Variants in HNF1B observed in about 807,000 individuals in gnomAD.
The protein encoded by HNF1B is hepatocyte nuclear factor 1-beta.
A neutral mutation model predicts 61.7 loss-of-function variants in HNF1B; 8 were observed. That is an observed-to-expected ratio of 0.13 (90% confidence interval 0.08 to 0.23). The LOEUF is 0.23. HNF1B is among the 10% of genes least tolerant of loss of function. HNF1B has a pLI of 1.00. For missense variants in HNF1B, 562 were observed against 714.5 expected, an observed-to-expected ratio of 0.79 and a Z score of 2.43; for synonymous variants, 314 against 287.7, an observed-to-expected ratio of 1.09 and a Z score of -0.93.
intron 6 of HNF1B, among the ~76,000 whole-genome samples, chr17:37,703,900 G>A (rs954158933): frequency 6.6e-6 from 1 of 152,196 alleles, no homozygotes; most frequent in African/African-American, 2.4e-5. Context: ...CTGATTTAGG[G>A]AGAGAAGAGG....
At chr17:37,699,929 C>T (rs2032509412) in intron 7 of HNF1B, among the ~76,000 whole-genome samples, 1 of 152,234 alleles carries the variant, frequency 6.6e-6, no homozygotes, top group African/African-American at 2.4e-5. Flanking sequence ...CCTCTTTCAC[C>T]ATCATTGCCT....
At chr17:37,720,585 G>A (rs2147505275) in intron 4 of HNF1B, 1 of 161,786 alleles carries the variant, frequency 6.2e-6, no homozygotes, top group African/African-American at 2.4e-5. Context: ...TTCTTAAACT[G>A]AATACCAAAT....
At chr17:37,707,597 C>T (rs540111560) in intron 5 of HNF1B, among the ~76,000 whole-genome samples, 1 of 151,916 alleles carries the variant, frequency 6.6e-6, no homozygotes, top group African/African-American at 2.4e-5. Context: ...TATTATTATC[C>T]CTATTTCATA....
At position 37,704,261 on chromosome 17, in the gene HNF1B, G is replaced by A. The variant is rs77335578; in HGVS notation, c.1339+656C>T. ...TGCTGTTGAATATGAGCCTCCTGGA[G>A]CTGGAGGGACCTGATCCATCTCCGT... is the stretch of plus-strand genomic sequence containing the variant. On this transcript the variant is annotated intron_variant, in intron 6 of 8. Coordinates refer to ENST00000617811, the MANE Select transcript of HNF1B (RefSeq NM_000458.4). Among the ~76,000 whole-genome samples the A allele has an allele frequency of 9.8e-3, 1,498 of 152,332 alleles. 12 individuals are homozygous for A. The highest frequency in any genetic ancestry group is 0.014 in the Non-Finnish European group (981 of 68,030).
At chr17:37,705,078 A>G (rs1472859384) in intron 5 of HNF1B, 29 bp from the exon 6 acceptor site, 1 of 1,606,346 alleles carries the variant, frequency 6.2e-7, no homozygotes, top group African/African-American at 1.3e-5. Flanking sequence ...CAAGAGAAAC[A>G]TGGGTGGACT....
At chr17:37,711,656 T>C (rs1411101587) in intron 4 of HNF1B, among the ~76,000 whole-genome samples, 1 of 152,230 alleles carries the variant, frequency 6.6e-6, no homozygotes, top group African/African-American at 2.4e-5. Flanking sequence ...ATGGGGCATC[T>C]CACCCCTAAG....
At chr17:37,732,760 C>T (rs1326723600) in intron 3 of HNF1B, among the ~76,000 whole-genome samples, 1 of 152,178 alleles carries the variant, frequency 6.6e-6, no homozygotes, top group Admixed American at 6.5e-5. Context: ...ATCGCTTAAG[C>T]CCAGTTCAAG....
intron 1 of HNF1B, among the ~76,000 whole-genome samples, chr17:37,742,531 ATTACT>A (rs1157510007): frequency 2.0e-5 from 3 of 152,112 alleles, no homozygotes; most frequent in African/African-American, 7.2e-5. Flanking sequence ...TTCTTGAAAA[ATTACT>A]TTAATCAAGT....
intron 8 of HNF1B, among the ~76,000 whole-genome samples, chr17:37,696,715 G>A (rs2032398258): frequency 6.6e-6 from 1 of 152,208 alleles, no homozygotes; most frequent in Non-Finnish European, 1.5e-5. Context: ...GAACACGCCA[G>A]AAATGAATTT....
intron 8 of HNF1B, among the ~76,000 whole-genome samples, chr17:37,692,765 G>A (rs1312167718): frequency 6.6e-6 from 1 of 152,200 alleles, no homozygotes; most frequent in Non-Finnish European, 1.5e-5. Flanking sequence ...ATCAGCAGGA[G>A]AATGGGAAAC....
At chr17:37,703,916 A>G (rs1286131432) in intron 6 of HNF1B, among the ~76,000 whole-genome samples, 1 of 152,238 alleles carries the variant, frequency 6.6e-6, no homozygotes, top group African/African-American at 2.4e-5. Flanking sequence ...AGAGGGAAGA[A>G]AGAAAAAGGC....
intron 4 of HNF1B, among the ~76,000 whole-genome samples, chr17:37,723,357 TAAAAGAAAAAGAA>T (rs2033387710): frequency 6.6e-6 from 1 of 151,100 alleles, no homozygotes; most frequent in Admixed American, 6.6e-5. Context: ...AAAAAAAAAT[TAAAAGAAAAAGAA>T]AAAAGAAAAA....
chr17:37,736,611 G>A (rs1029513532), intron 2 of HNF1B, among the ~76,000 whole-genome samples: 9 of 152,126 alleles, frequency 5.9e-5, no homozygotes, highest in Admixed American at 1.3e-4. Context: ...CACGTACCCC[G>A]CAAACGCTTC....
chr17:37,700,928 G>T, intron 7 of HNF1B, 55 bp downstream of exon 7: 1 of 1,483,098 alleles, frequency 6.7e-7, no homozygotes. Flanking sequence ...GAGGGAAAGT[G>T]GTTGGCCACT....
chr17:37,738,676 G>A (rs745719154), intron 2 of HNF1B, among the ~76,000 whole-genome samples: 2 of 152,186 alleles, frequency 1.3e-5, no homozygotes, highest in Non-Finnish European at 2.9e-5. Flanking sequence ...TTCTCTAGAC[G>A]TACTTCAAAA....
intron 6 of HNF1B, 62 bp from the exon 7 acceptor site, chr17:37,701,239 C>T: frequency 1.3e-6 from 2 of 1,486,484 alleles, no homozygotes; most frequent in Non-Finnish European, 1.8e-6. Flanking sequence ...TGGATGGATG[C>T]CATCATTTGA....
At chr17:37,724,556 A>G (rs1209446225) in intron 4 of HNF1B, among the ~76,000 whole-genome samples, 1 of 152,202 alleles carries the variant, frequency 6.6e-6, no homozygotes, top group African/African-American at 2.4e-5. Context: ...ACATTTTTAA[A>G]CAGTTGAGAA....
rs181675306 is a variant in HNF1B at position 37,721,492 on chromosome 17, C to G, written c.1045+10103G>C. On this transcript the variant is annotated intron_variant, in intron 4 of 8. Coordinates refer to ENST00000617811, the MANE Select transcript of HNF1B (RefSeq NM_000458.4). ...AGAGTGGAAAGGCCCTCATCCCACACCCTCATTTGCCAGAATTCCCAGGAA... is the reference window on the plus strand; with the variant it reads ...AGAGTGGAAAGGCCCTCATCCCACAGCCTCATTTGCCAGAATTCCCAGGAA... 3.3e-5 allele frequency among the ~76,000 whole-genome samples: 5 copies of G among 152,262 alleles called. No individual in the cohort carries two copies. The East Asian group carries it at 9.6e-4, about 29-fold the overall frequency.
Position 37,731,578 on chromosome 17 carries a change from G to A in HNF1B, c.1045+17C>T. The stretch of plus-strand genomic sequence containing the variant: ...ATGGTTGGGTTGCCGAGGCAGTGAG[G>A]CCCAACCTTTGCTTACCTGACAGCT... On this transcript the variant is annotated intron_variant, in intron 4 of 8. Coordinates refer to ENST00000617811, the MANE Select transcript of HNF1B (RefSeq NM_000458.4). 1 of 1,595,948 alleles carries A rather than the reference G, an allele frequency of 6.3e-7. No individual in the cohort carries two copies. The highest frequency in any genetic ancestry group is 8.6e-7 in the Non-Finnish European group (1 of 1,168,338).
Sources: allele counts gnomAD v4.1 joint callset (sites outside exome capture counted in the v4.1 genomes callset), GRCh38; gene constraint gnomAD v4.1.1; transcripts MANE v1.5; gene names NCBI Gene and HGNC (gene_info 2026-07-23, HGNC 2026-07-21).